The following FKBP15 variants were observed in gnomAD, a reference collection of about 807,000 sequenced individuals.
FKBP15 encodes the protein FKBP prolyl isomerase family member 15.
Under a neutral mutation model 158.1 loss-of-function variants are expected in FKBP15, and 106 were observed. The ratio of observed to expected loss-of-function variants is 0.67; its 90% CI spans 0.57 to 0.79. FKBP15 has a LOEUF of 0.79. FKBP15 is among the 30% of genes least tolerant of loss of function. The pLI, the probability that FKBP15 is intolerant of heterozygous loss-of-function variation, is 0.00. For synonymous variants in FKBP15, 547 were observed against 548.6 expected (o/e 1.00, Z 0.04); for missense variants, 1,287 against 1,479.1 (o/e 0.87, Z 2.13).
rs1830175872 is a variant in FKBP15, at chr9:113,169,931, A to G, written c.2778T>C (p.Leu926=). 6.5e-7 allele frequency: 1 copy of G among 1,542,446 alleles called. No homozygotes were observed. Among genetic ancestry groups the G allele is most frequent in the Non-Finnish European group, 8.7e-7 (1 of 1,145,626 alleles). The change falls in exon 26 of 28, where the codon CTT becomes CTC. Residue 926 remains leucine (L), a synonymous_variant. Coordinates refer to ENST00000238256, the MANE Select transcript of FKBP15 (RefSeq NM_015258.2). ...TIMNTIKMVT[L]QLLNQQEQEK... ...CTTGCTCCTGTTGGTTTAACAGCTG[A>G]AGAGTCACCATCTATTCAAAAGCCA... is the stretch of plus-strand genomic sequence containing the variant.
chr9:113,191,421 A>C (rs7866724), intron 11 of FKBP15, among the ~76,000 whole-genome samples: 1 of 151,578 alleles, frequency 6.6e-6, no homozygotes, highest in Non-Finnish European at 1.5e-5. Flanking sequence ...GTTTGCTTAC[A>C]GGGATTGGTG....
Position 113,217,209 on chromosome 9 carries a change from T to TG in FKBP15, c.53+3981_53+3982insC, listed in dbSNP as rs1192830217. ...GTGAGCCACCACGCCCAGTTTTTTT[T>TG]TTTTTTTTTTTTTTTTTTAATGAGA... On this transcript the variant is annotated intron_variant, in intron 1 of 27. Coordinates refer to ENST00000238256, the MANE Select transcript of FKBP15 (RefSeq NM_015258.2). Among the ~76,000 whole-genome samples, 995 of 143,262 alleles carry TG rather than the reference T, an allele frequency of 6.9e-3. 9 individuals carry two copies. The highest frequency in any genetic ancestry group is 0.01 in the Non-Finnish European group (669 of 65,620). The allele number at this position is 143,262 out of a possible 152,430, so 94.0% of individuals were successfully genotyped here. A position where few individuals can be genotyped will look rare whatever the true frequency, so the allele number is the denominator to read the frequency against.
At chr9:113,218,986 C>T (rs764213800) in intron 1 of FKBP15, among the ~76,000 whole-genome samples, 2 of 152,126 alleles carry the variant, frequency 1.3e-5, no homozygotes, top group Non-Finnish European at 2.9e-5. Flanking sequence ...CTTAAAAATG[C>T]TTTGTGATTA....
chr9:113,191,769 TAAAG>T (rs981377533), intron 11 of FKBP15, among the ~76,000 whole-genome samples: 4 of 151,256 alleles, frequency 2.6e-5, no homozygotes, highest in African/African-American at 9.7e-5. Flanking sequence ...TGCACCTGCA[TAAAG>T]AAACACTGAA....
chr9:113,216,691 G>C (rs1228344357), intron 1 of FKBP15, among the ~76,000 whole-genome samples: 1 of 152,166 alleles, frequency 6.6e-6, no homozygotes, highest in African/African-American at 2.4e-5. Context: ...ACAGATTACT[G>C]ATAAGAAATG....
chr9:113,174,396 T>C (rs1197531923), intron 22 of FKBP15, 32 bp downstream of exon 22: 2 of 1,607,662 alleles, frequency 1.2e-6, no homozygotes, highest in Non-Finnish European at 1.7e-6. Flanking sequence ...ACACCTTCCC[T>C]CTATTTTCAA....
Position 113,204,838 on chromosome 9 carries a change from T to A in FKBP15, c.324+1671A>T, listed in dbSNP as rs887731923. Among the ~76,000 whole-genome samples the A allele has an allele frequency of 2.6e-5, 4 of 152,384 alleles. No homozygotes were observed. The South Asian group carries it at 8.3e-4, about 32-fold the overall frequency. ...ATTATTCTTATAGATTCTAACTTTT[T>A]AAATTCTCCATCTTTTCATCCCTTT... On this transcript the variant is annotated intron_variant, in intron 4 of 27. Coordinates refer to ENST00000238256, the MANE Select transcript of FKBP15 (RefSeq NM_015258.2).
chr9:113,193,149 T>C (rs981038297), intron 11 of FKBP15, among the ~76,000 whole-genome samples: 2 of 152,208 alleles, frequency 1.3e-5, no homozygotes, highest in African/African-American at 4.8e-5. Context: ...CACATGCTTA[T>C]AAGAATCAAG....
chr9:113,188,286 T>G, intron 13 of FKBP15, 103 bp downstream of exon 13: 1 of 868,400 alleles, frequency 1.2e-6, no homozygotes, highest in Non-Finnish European at 1.8e-6. Flanking sequence ...TACACTTTAG[T>G]CCTCAGTACT....
At position 113,168,465 on chromosome 9, in the gene FKBP15, C is replaced by T. The variant is rs765429463; in HGVS notation, c.3577G>A (p.Glu1193Lys). 24 of 1,613,742 alleles carry T rather than the reference C, an allele frequency of 1.5e-5. No individual in the cohort carries two copies. The highest frequency in any genetic ancestry group is 1.8e-5 in the Non-Finnish European group (21 of 1,179,764). Residue 1193 changes from glutamate to lysine, a missense_variant, in exon 27 of 28, where the codon GAG (glutamate) becomes AAG (lysine). Coordinates refer to ENST00000238256, the MANE Select transcript of FKBP15 (RefSeq NM_015258.2). ...AGTGCCTGGGATTTCCTTACCACCT[C>T]GTCTTCATCCTCCTCCTCAGGCTGT... ...KAQPEEEDED[E>K]VSMKGRPPPT...
chr9:113,202,173 C>T (rs1331529199), intron 6 of FKBP15, among the ~76,000 whole-genome samples: 3 of 151,994 alleles, frequency 2.0e-5, no homozygotes, highest in Non-Finnish European at 4.4e-5. Flanking sequence ...GGATTACAAG[C>T]GTGGCATGAA....
chr9:113,184,309 T>A lies in FKBP15; in HGVS notation c.1699A>T (p.Ile567Phe). The A allele has an allele frequency of 6.2e-7, 1 of 1,600,062 alleles. No homozygotes were observed. Among genetic ancestry groups the A allele is most frequent in the Non-Finnish European group, 8.5e-7 (1 of 1,172,356 alleles). ...ACCCTCACCTGAATGATTCGCTGGA[T>A]GTTGCTCATAATCATGCTTGTTTCC... is the stretch of plus-strand genomic sequence containing the variant. ...TMETSMIMSNIQRIIQENERL... is the reference protein window; with the variant it reads ...TMETSMIMSNFQRIIQENERL... The change falls in exon 17 of 28, where the codon ATC (isoleucine) becomes TTC (phenylalanine). Residue 567 changes from isoleucine (I) to phenylalanine (F), a missense_variant. Physicochemically the swap from Ile to Phe is conservative, Grantham distance 21. Transcript: ENST00000238256. This position sits in a 1 kb window ranked among gnomAD's most constrained non-coding sequence, Gnocchi z 4.5.
At chr9:113,205,210 T>G (rs980075009) in intron 4 of FKBP15, among the ~76,000 whole-genome samples, 1 of 152,218 alleles carries the variant, frequency 6.6e-6, no homozygotes, top group Non-Finnish European at 1.5e-5. Context: ...TTAAAAACTT[T>G]TGTACATCAA....
Position 113,221,182 on chromosome 9 carries a change from GTCAC to G in FKBP15, c.53+5_53+8del. On this transcript the variant is annotated splice_donor_5th_base_variant and intron_variant, in intron 1 of 27. Transcript: ENST00000238256. ...CACGCCCTCCAGCGCATACTTCTCA[GTCAC>G]TCACCCGCCGCTCGGCGAGAGGAAA... 1 of 1,604,198 alleles carries G rather than the reference GTCAC, an allele frequency of 6.2e-7. No individual in the cohort carries two copies. The highest frequency in any genetic ancestry group is 8.5e-7 in the Non-Finnish European group (1 of 1,175,110).
intron 9 of FKBP15, among the ~76,000 whole-genome samples, 176 bp downstream of exon 9, chr9:113,196,756 G>A (rs1228982551): frequency 1.3e-5 from 2 of 152,006 alleles, no homozygotes; most frequent in Non-Finnish European, 2.9e-5. Context: ...ATAATACTTT[G>A]GTCCTTAGAT....
Position 113,184,890 on chromosome 9 carries a change from G to T in FKBP15, c.1499-86C>A, listed in dbSNP as rs768735360. The T allele has an allele frequency of 9.7e-6, 10 of 1,034,258 alleles. No homozygotes were observed. Among genetic ancestry groups the T allele is most frequent in the Non-Finnish European group, 1.4e-5 (10 of 698,504 alleles). The allele number at this position is 1,034,258 out of a possible 1,614,324, so 64.1% of individuals were successfully genotyped here. A position where few individuals can be genotyped will look rare whatever the true frequency, so the allele number is the denominator to read the frequency against. On this transcript the variant is annotated intron_variant, in intron 15 of 27. Coordinates refer to ENST00000238256, the MANE Select transcript of FKBP15 (RefSeq NM_015258.2). The surrounding 1 kb of genome is among the most constrained non-coding windows in gnomAD (Gnocchi z 4.5). ...AAAAGCTAGTAGCTCTTCCAGTAAA[G>T]AAAGAAATTAATACTTCCATACACT... is the stretch of plus-strand genomic sequence containing the variant.
At position 113,162,639 on chromosome 9, in the gene FKBP15, A is replaced by G. The variant is rs1490432916; in HGVS notation, c.*3439T>C. 2.0e-6 allele frequency: 2 copies of G among 1,009,612 alleles called. No individual in the cohort carries two copies. The highest frequency in any genetic ancestry group is 2.9e-6 in the Non-Finnish European group (2 of 684,120). The allele number at this position is 1,009,612 out of a possible 1,614,324, so 62.5% of individuals were successfully genotyped here. A position where few individuals can be genotyped will look rare whatever the true frequency, so the allele number is the denominator to read the frequency against. ...CTCCTGGGTTAAGCATACAAGTTAT[A>G]AATCAATCGGGTCACGTAACTCAAC... is the stretch of plus-strand genomic sequence containing the variant. On this transcript the variant is annotated 3_prime_UTR_variant, in exon 28 of 28. Coordinates refer to ENST00000238256, the MANE Select transcript of FKBP15 (RefSeq NM_015258.2).
intron 4 of FKBP15, 54 bp from the exon 5 acceptor site, chr9:113,203,089 A>T (rs1279795873): frequency 4.9e-6 from 6 of 1,217,984 alleles, no homozygotes; most frequent in Admixed American, 4.2e-5. Context: ...GCAGAAGTTA[A>T]AAGGCAATAT....
At chr9:113,203,632 A>C (rs966134457) in intron 4 of FKBP15, among the ~76,000 whole-genome samples, 1 of 151,728 alleles carries the variant, frequency 6.6e-6, no homozygotes, top group African/African-American at 2.4e-5. Flanking sequence ...GGTTCAAGCA[A>C]TTCTCCTGCC....
Sources: gnomAD v4.1 joint callset for allele counts (sites outside exome capture counted in the v4.1 genomes callset) on GRCh38, gnomAD v4.1.1 for gene constraint, Gnocchi (gnomAD v3.1) non-coding constraint, MANE v1.5 for transcripts, NCBI Gene and HGNC (gene_info 2026-07-23, HGNC 2026-07-21) for gene names.